Variants in AQP8 observed in about 807,000 individuals in gnomAD.
AQP8 encodes aquaporin 8.
Under a neutral mutation model 26.1 loss-of-function variants are expected in AQP8, and 14 were observed. That is an observed-to-expected ratio of 0.54 (90% CI 0.35 to 0.84). The LOEUF (loss-of-function observed/expected upper bound fraction) is 0.84, where lower values mean the gene tolerates loss of function less well. Ranked by LOEUF, AQP8 falls within the 40% of genes least tolerant of loss-of-function variation. The probability of loss-of-function intolerance (pLI) is 0.01; values close to 1 mark genes in which losing one functional copy is unlikely to be tolerated. For synonymous variants in AQP8, 131 were observed against 150.7 expected (o/e 0.87, Z 0.96); for missense variants, 301 against 340.5 (o/e 0.88, Z 0.91).
chr16:25,222,509 CCA>C (rs1962576567), intron 3 of AQP8, among the ~76,000 whole-genome samples: 1 of 152,160 alleles, frequency 6.6e-6, no homozygotes. Flanking sequence ...GCCTGGCCAG[CCA>C]CAGAGTTTTC....
chr16:25,224,481 C>T lies in AQP8; in HGVS notation c.507C>T (p.Ala169=), dbSNP rs1429982919. 3 of 1,614,018 alleles carry T rather than the reference C, an allele frequency of 1.9e-6. No homozygotes were observed. Among genetic ancestry groups the T allele is most frequent in the Non-Finnish European group, 2.5e-6 (3 of 1,180,040 alleles). ...VAEIILTTLL[A]LAVCMGAINE... is the part of the protein sequence containing the mutation. ...AGATCATCCTGACGACGCTGCTGGC[C>T]CTGGCTGTATGCATGGGTGCCATCA... is the stretch of plus-strand genomic sequence containing the variant. Residue 169 remains alanine, a synonymous_variant, in exon 4 of 6, where the codon GCC becomes GCT. Coordinates refer to ENST00000219660, the MANE Select transcript of AQP8 (RefSeq NM_001169.3).
chr16:25,227,437 T>C (rs895296165), intron 5 of AQP8, among the ~76,000 whole-genome samples: 3 of 152,220 alleles, frequency 2.0e-5, no homozygotes, highest in African/African-American at 7.2e-5. Flanking sequence ...CATCAAAAAC[T>C]TCACAGGTAG....
At chr16:25,227,988 C>T (rs376929672) in intron 5 of AQP8, among the ~76,000 whole-genome samples, 12 of 151,028 alleles carry the variant, frequency 7.9e-5, no homozygotes, top group East Asian at 4.0e-4. Flanking sequence ...AAGCAGGACC[C>T]GGGCATGTGG....
Position 25,217,026 on chromosome 16 carries a change from G to A in AQP8, c.-20G>A. The A allele has an allele frequency of 1.2e-6, 2 of 1,613,968 alleles. No individual in the cohort carries two copies. The highest frequency in any genetic ancestry group is 1.1e-5 in the South Asian group (1 of 91,082). On this transcript the variant is annotated 5_prime_UTR_variant, in exon 1 of 6. The change abolishes an upstream ATG in the 5' untranslated region. Coordinates refer to ENST00000219660, the MANE Select transcript of AQP8 (RefSeq NM_001169.3). ...CCAGCAGCTCAGGCAAGAGTCCGAT[G>A]TTTGTGCCATCTGATCCTGATGTCT...
Position 25,221,337 on chromosome 16 carries a change from C to T in AQP8, c.261-120C>T. 2.4e-6 allele frequency: 3 copies of T among 1,245,470 alleles called. No homozygotes were observed. In the South Asian group the frequency reaches 4.2e-5, roughly 17 times the overall value. 77.2% of individuals were successfully genotyped at this position (1,245,470 alleles called of 1,614,324 possible). On this transcript the variant is annotated intron_variant, in intron 2 of 5. Transcript: ENST00000219660. ...GTGCCTCTTTGTATTTGAGCTGGGC[C>T]CCGGACTGACTCTTGCCCTGAGAGG...
At chr16:25,228,104 T>C (rs1393309532) in intron 5 of AQP8, among the ~76,000 whole-genome samples, 1 of 151,676 alleles carries the variant, frequency 6.6e-6, no homozygotes, top group Non-Finnish European at 1.5e-5. Flanking sequence ...CTGTCTCTAC[T>C]AAAAATACAA....
At chr16:25,218,645 T>C (rs1330556323) in intron 2 of AQP8, among the ~76,000 whole-genome samples, 7 of 152,188 alleles carry the variant, frequency 4.6e-5, no homozygotes, top group Non-Finnish European at 7.3e-5. Context: ...TTTGGGAGGC[T>C]GAGGCGGGTG....
chr16:25,223,232 C>T (rs1471659131), intron 3 of AQP8, among the ~76,000 whole-genome samples: 1 of 152,260 alleles, frequency 6.6e-6, no homozygotes, highest in Non-Finnish European at 1.5e-5. Flanking sequence ...AGTCCAGAAG[C>T]TTGTGCACTG....
At chr16:25,221,393 T>C in intron 2 of AQP8, 64 bp from the exon 3 acceptor site, 1 of 1,587,106 alleles carries the variant, frequency 6.3e-7, no homozygotes, top group Non-Finnish European at 8.6e-7. Context: ...GGACACACTG[T>C]CTCAAGTGCC....
chr16:25,227,778 G>A (rs1368438433), intron 5 of AQP8, among the ~76,000 whole-genome samples: 4 of 151,726 alleles, frequency 2.6e-5, no homozygotes, highest in Admixed American at 6.6e-5. Flanking sequence ...ATGAGCCACC[G>A]CGCCCAGCCA....
In AQP8 at chr16:25,227,058, G is replaced by C. The variant is rs772686766; in HGVS notation, c.603-10G>C. ...GGATCCTGGTGACCTTGGTGCCTGGGTGTTTGCAGGGGCCCTGTGTCTGGA... is the reference window on the plus strand; with the variant it reads ...GGATCCTGGTGACCTTGGTGCCTGGCTGTTTGCAGGGGCCCTGTGTCTGGA... On this transcript the variant is annotated splice_polypyrimidine_tract_variant and intron_variant, in intron 4 of 5. Coordinates refer to ENST00000219660, the MANE Select transcript of AQP8 (RefSeq NM_001169.3). The C allele has an allele frequency of 7.4e-6, 12 of 1,613,732 alleles. No homozygotes were observed. The highest frequency in any genetic ancestry group is 1.0e-5 in the Non-Finnish European group (12 of 1,180,034).
chr16:25,227,069 G>C lies in AQP8; in HGVS notation c.604G>C (p.Gly202Arg). Residue 202 changes from glycine to arginine, a missense_variant and splice_region_variant, in exon 5 of 6, where the codon GGC (glycine) becomes CGC (arginine). Gly to Arg is a moderately radical substitution (Grantham distance 125). Coordinates refer to ENST00000219660, the MANE Select transcript of AQP8 (RefSeq NM_001169.3). Reference sequence around the variant, plus strand: ...ACCTTGGTGCCTGGGTGTTTGCAGGGGCCCTGTGTCTGGAGGCTGCATGAA... The same window carrying C: ...ACCTTGGTGCCTGGGTGTTTGCAGGCGCCCTGTGTCTGGAGGCTGCATGAA... The part of the protein sequence containing the change: ...FAVTVDILAG[G>R]PVSGGCMNPA... 2.5e-6 allele frequency: 4 copies of C among 1,614,030 alleles called. 1 individual carries two copies. The highest frequency in any genetic ancestry group is 3.4e-6 in the Non-Finnish European group (4 of 1,180,030).
At chr16:25,218,042 C>A (rs145253901) in intron 2 of AQP8, among the ~76,000 whole-genome samples, 1 of 152,116 alleles carries the variant, frequency 6.6e-6, no homozygotes, top group Non-Finnish European at 1.5e-5. Flanking sequence ...AAGTGAAAGG[C>A]CATGTAATCT....
In AQP8 at chr16:25,217,001, C is replaced by T; in HGVS notation, c.-45C>T. 4 of 1,613,456 alleles carry T rather than the reference C, an allele frequency of 2.5e-6. No individual in the cohort carries two copies. In the South Asian group the frequency reaches 4.4e-5, roughly 18 times the overall value. On this transcript the variant is annotated 5_prime_UTR_variant, in exon 1 of 6. Coordinates refer to ENST00000219660, the MANE Select transcript of AQP8 (RefSeq NM_001169.3). The stretch of plus-strand genomic sequence containing the variant: ...ATCTTGCACAGCAGGTGCAGGTTTC[C>T]CAGCAGCTCAGGCAAGAGTCCGATG...
At position 25,228,587 on chromosome 16, in the gene AQP8, G is replaced by C; in HGVS notation, c.*95G>C. 1.4e-6 allele frequency: 2 copies of C among 1,386,410 alleles called. No individual in the cohort carries two copies. The highest frequency in any genetic ancestry group is 3.5e-5 in the Admixed American group (2 of 56,564). The allele number at this position is 1,386,410 out of a possible 1,614,324, so 85.9% of individuals were successfully genotyped here. ...AGTTCCTGCATTTCCTGCCAGGGCAGAGGCCCAGAGGAGCGACCCCCTGCT... is the reference window on the plus strand; with the variant it reads ...AGTTCCTGCATTTCCTGCCAGGGCACAGGCCCAGAGGAGCGACCCCCTGCT... On this transcript the variant is annotated 3_prime_UTR_variant, in exon 6 of 6. Transcript: ENST00000219660.
intron 2 of AQP8, among the ~76,000 whole-genome samples, chr16:25,221,117 G>A (rs1489658151): frequency 6.6e-6 from 1 of 152,138 alleles, no homozygotes; most frequent in Non-Finnish European, 1.5e-5. Flanking sequence ...TGGAGCCTTG[G>A]TATCTCAATC....
At chr16:25,221,251 A>G (rs1962558681) in intron 2 of AQP8, among the ~76,000 whole-genome samples, 1 of 151,948 alleles carries the variant, frequency 6.6e-6, no homozygotes, top group South Asian at 2.1e-4. Flanking sequence ...CTTTGGACTT[A>G]GAGGCTGCCC....
Position 25,217,424 on chromosome 16 carries a change from T to A in AQP8, c.239T>A (p.Ile80Asn). Residue 80 changes from isoleucine to asparagine, a missense_variant, in exon 2 of 6, where the codon ATT (isoleucine) becomes AAT (asparagine). Transcript: ENST00000219660. ...CACGGGCTGGCTTTGGGGCTCGTGATTGCCACGCTGGGGAATATCAGGTGA... is the reference window on the plus strand; with the variant it reads ...CACGGGCTGGCTTTGGGGCTCGTGAATGCCACGCTGGGGAATATCAGGTGA... ...LAHGLALGLVIATLGNISGGH... is the reference protein window; with the variant it reads ...LAHGLALGLVNATLGNISGGH... 6.2e-7 allele frequency: 1 copy of A among 1,614,106 alleles called. No individual in the cohort carries two copies. The highest frequency in any genetic ancestry group is 8.5e-7 in the Non-Finnish European group (1 of 1,180,010).
Position 25,228,728 on chromosome 16 carries a change from C to A in AQP8, c.*236C>A. 1 of 505,462 alleles carries A rather than the reference C, an allele frequency of 2.0e-6. No homozygotes were observed. The highest frequency in any genetic ancestry group is 1.9e-5 in the African/African-American group (1 of 52,060). 31.3% of individuals were successfully genotyped at this position (505,462 alleles called of 1,614,324 possible). A position where few individuals can be genotyped will look rare whatever the true frequency, so the allele number is the denominator to read the frequency against. On this transcript the variant is annotated 3_prime_UTR_variant, in exon 6 of 6. Coordinates refer to ENST00000219660, the MANE Select transcript of AQP8 (RefSeq NM_001169.3). ...CCTGGGGAACACGCTGCCCGCACTG[C>A]CCAGAGAGCAGTGCAAACACCACAA...
Sources: allele counts gnomAD v4.1 joint callset (sites outside exome capture counted in the v4.1 genomes callset), GRCh38; gene constraint gnomAD v4.1.1; transcripts MANE v1.5; gene names NCBI Gene and HGNC (gene_info 2026-07-23, HGNC 2026-07-21).